Variants in L2HGDH observed in about 807,000 individuals in gnomAD.
L2HGDH encodes the protein L-2-hydroxyglutarate dehydrogenase, mitochondrial.
Under a neutral mutation model 51.5 loss-of-function variants are expected in L2HGDH, and 34 were observed. That is an observed-to-expected ratio of 0.66 (90% CI 0.50 to 0.88). The LOEUF (loss-of-function observed/expected upper bound fraction) is 0.88, where lower values mean the gene tolerates loss of function less well. L2HGDH is among the 40% of genes least tolerant of loss of function. The pLI, the probability that L2HGDH is intolerant of heterozygous loss-of-function variation, is 0.00. For missense variants in L2HGDH, 558 were observed against 571.9 expected (o/e 0.98, Z 0.25); for synonymous variants, 198 against 197.9 (o/e 1.00, Z -0.01).
chr14:50,306,075 G>A (rs540418617), intron 1 of L2HGDH, among the ~76,000 whole-genome samples: 3 of 149,702 alleles, frequency 2.0e-5, no homozygotes, highest in Admixed American at 1.3e-4. Context: ...TCGGTGAGAT[G>A]GAGTCTGGCT....
Position 50,242,827 on chromosome 14 carries a change from G to A in L2HGDH, c.*4231C>T. 1.0e-6 allele frequency: 1 copy of A among 985,406 alleles called. No homozygotes were observed. Among genetic ancestry groups the A allele is most frequent in the South Asian group, 4.7e-5 (1 of 21,272 alleles). The allele number at this position is 985,406 out of a possible 1,614,324, so 61.0% of individuals were successfully genotyped here. ...AATAGTGTATGCGCAGAAAGATGAGGAAACCTCTGACCAAGAAGTCTAGAC... is the reference window on the plus strand; with the variant it reads ...AATAGTGTATGCGCAGAAAGATGAGAAAACCTCTGACCAAGAAGTCTAGAC... On this transcript the variant is annotated 3_prime_UTR_variant, in exon 10 of 10. Coordinates refer to ENST00000267436, the MANE Select transcript of L2HGDH (RefSeq NM_024884.3).
chr14:50,295,850 T>G (rs2030009910), intron 3 of L2HGDH, among the ~76,000 whole-genome samples: 1 of 151,642 alleles, frequency 6.6e-6, no homozygotes, highest in South Asian at 2.1e-4. Flanking sequence ...ACGATTCTCC[T>G]GCCTCAGCCT....
chr14:50,305,907 A>T (rs1380584968), intron 1 of L2HGDH, among the ~76,000 whole-genome samples: 1 of 152,208 alleles, frequency 6.6e-6, no homozygotes, highest in Non-Finnish European at 1.5e-5. Context: ...ACATAGTACC[A>T]TGTAAATGCT....
At chr14:50,278,830 T>C (rs533242801) in intron 5 of L2HGDH, among the ~76,000 whole-genome samples, 3 of 152,222 alleles carry the variant, frequency 2.0e-5, no homozygotes, top group African/African-American at 7.2e-5. Flanking sequence ...AGCTATTCTC[T>C]GAACTATAAT....
At chr14:50,252,745 G>A (rs1354293891) in intron 9 of L2HGDH, among the ~76,000 whole-genome samples, 1 of 151,972 alleles carries the variant, frequency 6.6e-6, no homozygotes, top group African/African-American at 2.4e-5. Context: ...CATAATGATT[G>A]TAAATATATA....
intron 3 of L2HGDH, among the ~76,000 whole-genome samples, chr14:50,299,148 C>G (rs1316712489): frequency 1.3e-5 from 2 of 152,040 alleles, no homozygotes; most frequent in Non-Finnish European, 2.9e-5. Context: ...ACATTACAAC[C>G]AATACCACAG....
chr14:50,267,564 TTTTGTTTGTTTG>T (rs908907885), intron 8 of L2HGDH, among the ~76,000 whole-genome samples, 177 bp downstream of exon 8: 1 of 150,870 alleles, frequency 6.6e-6, no homozygotes, highest in Non-Finnish European at 1.5e-5. Flanking sequence ...GCATTTTTTT[TTTTGTTTGTTTG>T]TTTGTTTGTT....
At chr14:50,278,371 G>T in intron 6 of L2HGDH, 149 bp downstream of exon 6, 1 of 622,774 alleles carries the variant, frequency 1.6e-6, no homozygotes. Context: ...TAGAATAAAA[G>T]CTGTTAAACT....
rs1566514068 is a variant in L2HGDH, at chr14:50,269,218, T to A, written c.851A>T (p.Asp284Val). The A allele has an allele frequency of 6.2e-7, 1 of 1,613,866 alleles. No homozygotes were observed. Among genetic ancestry groups the A allele is most frequent in the Non-Finnish European group, 8.5e-7 (1 of 1,179,916 alleles). Residue 284 changes from aspartate (D) to valine (V), a missense_variant, in exon 7 of 10, where the codon GAT (aspartate) becomes GTT (valine). Physicochemically the swap from Asp to Val is radical, Grantham distance 152. Around this residue, in one of 3 missense-constraint regions of L2HGDH, gnomAD observed 321 missense variants for 311.8 expected, o/e 1.03. Transcript: ENST00000267436. Reference protein sequence around the residue: ...PDPRIVPFRGDYLLLKPEKCY... With the variant: ...PDPRIVPFRGVYLLLKPEKCY... ...TTTTTCTGGCTTCAAAAGCAGGTAA[T>A]CTCCCCGGAATGGTACAATTCGAGG...
At chr14:50,263,704 A>G (rs986709590) in intron 9 of L2HGDH, among the ~76,000 whole-genome samples, 1 of 152,130 alleles carries the variant, frequency 6.6e-6, no homozygotes, top group East Asian at 1.9e-4. Context: ...AACATTACCA[A>G]AGAGGGGAAA....
chr14:50,253,886 A>G (rs1888502427), intron 9 of L2HGDH, among the ~76,000 whole-genome samples: 1 of 152,142 alleles, frequency 6.6e-6, no homozygotes, highest in African/African-American at 2.4e-5. Context: ...TTGCATCAAC[A>G]TGGAGGTCAT....
intron 6 of L2HGDH, among the ~76,000 whole-genome samples, chr14:50,277,432 C>T (rs1890035840): frequency 1.3e-5 from 2 of 152,188 alleles, no homozygotes; most frequent in Middle Eastern, 3.4e-3. Context: ...GAATCCCCTT[C>T]TCTTCATGGT....
intron 3 of L2HGDH, among the ~76,000 whole-genome samples, chr14:50,300,422 G>A (rs2139208754): frequency 6.6e-6 from 1 of 152,058 alleles, no homozygotes; most frequent in Non-Finnish European, 1.5e-5. Flanking sequence ...AGCCTCCCGA[G>A]TAGCTGGCAT....
At chr14:50,301,787 T>A (rs1464191954) in intron 3 of L2HGDH, among the ~76,000 whole-genome samples, 3 of 152,178 alleles carry the variant, frequency 2.0e-5, no homozygotes, top group Non-Finnish European at 4.4e-5. Flanking sequence ...AAAATTGATC[T>A]GTGCACTTTA....
rs1265819717 is a variant in L2HGDH, at chr14:50,243,624, A to G, written c.*3434T>C. 3.5e-5 allele frequency: 26 copies of G among 747,296 alleles called. No individual in the cohort carries two copies. Among genetic ancestry groups the G allele is most frequent in the Non-Finnish European group, 4.2e-5 (26 of 614,614 alleles). 46.3% of individuals were successfully genotyped at this position (747,296 alleles called of 1,614,324 possible). Reference sequence around the variant, plus strand: ...GCAGAATAACCTACATATTCAAAACACTTTCAACAAATTTTTCATTTTTAT... The same window carrying G: ...GCAGAATAACCTACATATTCAAAACGCTTTCAACAAATTTTTCATTTTTAT... On this transcript the variant is annotated 3_prime_UTR_variant, in exon 10 of 10. Coordinates refer to ENST00000267436, the MANE Select transcript of L2HGDH (RefSeq NM_024884.3).
chr14:50,307,152 T>G (rs7143204), intron 1 of L2HGDH, among the ~76,000 whole-genome samples: 23,694 of 152,234 alleles, frequency 0.16, 2,429 homozygotes, highest in Admixed American at 0.31. Flanking sequence ...ACAAAAGCTT[T>G]TGGGGAGGTA....
intron 9 of L2HGDH, among the ~76,000 whole-genome samples, chr14:50,251,225 G>A (rs530643357): frequency 4.6e-4 from 70 of 151,572 alleles, no homozygotes; most frequent in Non-Finnish European, 1.8e-4. Context: ...AAATGCAACT[G>A]ACATGCTGAA....
At chr14:50,274,599 T>C (rs1026507857) in intron 6 of L2HGDH, among the ~76,000 whole-genome samples, 1 of 152,108 alleles carries the variant, frequency 6.6e-6, no homozygotes, top group Admixed American at 6.6e-5. Context: ...AAAATAGAAC[T>C]ACCATATGAT....
chr14:50,256,537 A>G (rs562122584), intron 9 of L2HGDH, among the ~76,000 whole-genome samples: 2 of 152,050 alleles, frequency 1.3e-5, no homozygotes, highest in African/African-American at 4.8e-5. Flanking sequence ...AAAAAAAATT[A>G]AAAGCATTTT....
Sources: gnomAD v4.1 joint callset for allele counts (sites outside exome capture counted in the v4.1 genomes callset) on GRCh38, gnomAD v4.1.1 for gene constraint, gnomAD v4.1.1 regional missense constraint, MANE v1.5 for transcripts, NCBI Gene and HGNC (gene_info 2026-07-23, HGNC 2026-07-21) for gene names.